The following CCSER1 variants were observed in gnomAD, a reference collection of about 807,000 sequenced individuals.
The protein encoded by CCSER1 is serine-rich coiled-coil domain-containing protein 1.
Under a neutral mutation model 82.0 loss-of-function variants are expected in CCSER1, and 41 were observed. The observed-to-expected ratio is 0.50, with a 90% confidence interval of 0.39 to 0.65. The LOEUF is 0.65. Among genes scored for constraint, CCSER1 ranks in the 30% least tolerant of loss-of-function variants. CCSER1 has a pLI of 0.00. For synonymous variants in CCSER1, 414 were observed against 383.9 expected (o/e 1.08, Z -0.92); for missense variants, 1,119 against 1,064.2 (o/e 1.05, Z -0.72).
At chr4:91,111,616 G>T (rs917696769) in intron 10 of CCSER1, among the ~76,000 whole-genome samples, 2 of 151,804 alleles carry the variant, frequency 1.3e-5, no homozygotes, top group African/African-American at 4.8e-5. Context: ...AATAAAGATT[G>T]TATATATTTT....
intron 5 of CCSER1, among the ~76,000 whole-genome samples, chr4:90,559,951 C>G (rs1426779808): frequency 7.3e-6 from 1 of 137,700 alleles, no homozygotes; most frequent in Non-Finnish European, 1.6e-5. Flanking sequence ...GAACCTTTCT[C>G]AAAAAAAAAA....
chr4:91,067,217 A>G (rs1383934847), intron 9 of CCSER1, among the ~76,000 whole-genome samples: 2 of 151,980 alleles, frequency 1.3e-5, no homozygotes, highest in Non-Finnish European at 2.9e-5. Context: ...TCAAAACAAC[A>G]CTTGTTAAAT....
chr4:91,533,312 C>T (rs1418188400), intron 10 of CCSER1, among the ~76,000 whole-genome samples: 1 of 152,122 alleles, frequency 6.6e-6, no homozygotes. Flanking sequence ...AGTTACTAGA[C>T]TCTCAAACTC....
chr4:90,708,434 T>C (rs1739818509), intron 6 of CCSER1, among the ~76,000 whole-genome samples: 1 of 152,114 alleles, frequency 6.6e-6, no homozygotes, highest in Admixed American at 6.6e-5. Context: ...AGAAAAGTAA[T>C]ATTTCTTTGC....
chr4:91,510,551 G>T (rs1467992025), intron 10 of CCSER1, among the ~76,000 whole-genome samples: 4 of 152,104 alleles, frequency 2.6e-5, no homozygotes, highest in Non-Finnish European at 5.9e-5. Flanking sequence ...GTGTTTTATT[G>T]TGGTTTTTAT....
At chr4:90,239,014 C>A (rs1365273924) in intron 1 of CCSER1, among the ~76,000 whole-genome samples, 1 of 152,076 alleles carries the variant, frequency 6.6e-6, no homozygotes, top group Non-Finnish European at 1.5e-5. Context: ...CCACACCCAG[C>A]TAATTTTTGT....
chr4:90,934,729 C>T (rs1173453712), intron 9 of CCSER1, among the ~76,000 whole-genome samples: 5 of 151,968 alleles, frequency 3.3e-5, no homozygotes, highest in Non-Finnish European at 7.4e-5. Flanking sequence ...GTTGGGAGTT[C>T]GAGACCAGCC....
chr4:90,388,219 C>T (rs1400244436), intron 3 of CCSER1, among the ~76,000 whole-genome samples: 1 of 152,166 alleles, frequency 6.6e-6, no homozygotes, highest in Non-Finnish European at 1.5e-5. Context: ...GTTTATCAAT[C>T]TCATTATTTT....
intron 9 of CCSER1, among the ~76,000 whole-genome samples, chr4:91,032,534 G>A (rs1312316378): frequency 6.6e-6 from 1 of 152,182 alleles, no homozygotes; most frequent in African/African-American, 2.4e-5. Context: ...AGGGCAAGTG[G>A]CATTCTTGTC....
chr4:90,895,038 A>G (rs941973265), intron 8 of CCSER1, among the ~76,000 whole-genome samples: 1 of 152,012 alleles, frequency 6.6e-6, no homozygotes, highest in Non-Finnish European at 1.5e-5. Context: ...CCCTAGGTTG[A>G]TTTAAACATG....
chr4:90,704,781 G>C (rs761255378), intron 6 of CCSER1, among the ~76,000 whole-genome samples: 7 of 152,126 alleles, frequency 4.6e-5, no homozygotes, highest in Non-Finnish European at 8.8e-5. Flanking sequence ...ACTGAAGCTT[G>C]TGCATTTGTC....
chr4:90,441,373 C>G (rs1315766155), intron 4 of CCSER1, among the ~76,000 whole-genome samples: 3 of 152,162 alleles, frequency 2.0e-5, no homozygotes, highest in Non-Finnish European at 4.4e-5. Context: ...AAGGTGCCAG[C>G]ATGGTCCATT....
In CCSER1 at chr4:90,157,068, G is replaced by C. The variant is rs529512322; in HGVS notation, c.-42+29237G>C. Among the ~76,000 whole-genome samples the C allele has an allele frequency of 4.6e-5, 7 of 152,240 alleles. No individual in the cohort carries two copies. In the East Asian group the frequency reaches 1.2e-3, roughly 25 times the overall value. On this transcript the variant is annotated intron_variant, in intron 1 of 10. Transcript: ENST00000509176. ...TCAGGAGCTCTTTTAGGGCAGTCCT[G>C]GTGGTGACAAAATCTCTCAGCATTT...
intron 3 of CCSER1, among the ~76,000 whole-genome samples, chr4:90,372,363 A>G (rs1343401242): frequency 6.6e-6 from 1 of 152,182 alleles, no homozygotes; most frequent in Non-Finnish European, 1.5e-5. Flanking sequence ...GAAGAAAGCA[A>G]TATTGTGAGA....
At chr4:91,532,612 C>G (rs751804643) in intron 10 of CCSER1, among the ~76,000 whole-genome samples, 1 of 152,116 alleles carries the variant, frequency 6.6e-6, no homozygotes, top group Non-Finnish European at 1.5e-5. Context: ...CACTTTCCTA[C>G]TGGGCGTGGT....
intron 8 of CCSER1, among the ~76,000 whole-genome samples, chr4:90,896,859 A>G (rs1304529288): frequency 2.0e-5 from 3 of 151,990 alleles, no homozygotes; most frequent in Non-Finnish European, 4.4e-5. Context: ...AAATAGAGAT[A>G]TGCAAAAAAT....
intron 10 of CCSER1, among the ~76,000 whole-genome samples, chr4:91,474,698 T>C (rs1157467403): frequency 6.7e-6 from 1 of 150,272 alleles, no homozygotes; most frequent in East Asian, 1.9e-4. Flanking sequence ...TTTTCTTCTC[T>C]CAGTCTTCTT....
At position 91,601,524 on chromosome 4, in the gene CCSER1, G is replaced by T. The variant is rs1423949813; in HGVS notation, c.*2467G>T. ...TGTAAGTTCCTCTTGTGTATATATA[G>T]TAACTTATAACAATGGCATGTGGGC... On this transcript the variant is annotated 3_prime_UTR_variant, in exon 11 of 11. Transcript: ENST00000509176. 6.6e-6 allele frequency: 1 copy of T among 151,954 alleles called. No homozygotes were observed. Among genetic ancestry groups the T allele is most frequent in the Non-Finnish European group, 1.5e-5 (1 of 67,928 alleles). 9.4% of individuals were successfully genotyped at this position (151,954 alleles called of 1,614,324 possible).
At chr4:91,204,968 A>T (rs1736224295) in intron 10 of CCSER1, among the ~76,000 whole-genome samples, 1 of 151,752 alleles carries the variant, frequency 6.6e-6, no homozygotes, top group Non-Finnish European at 1.5e-5. Context: ...TATGGATGTA[A>T]CATTTCTTTA....
Sources: gnomAD v4.1 joint callset for allele counts (sites outside exome capture counted in the v4.1 genomes callset) on GRCh38, gnomAD v4.1.1 for gene constraint, MANE v1.5 for transcripts, NCBI Gene and HGNC (gene_info 2026-07-23, HGNC 2026-07-21) for gene names.